Variants in HID1 observed in about 807,000 individuals in gnomAD.
HID1 encodes the protein protein HID1.
A neutral mutation model predicts 89.7 loss-of-function variants in HID1; 42 were observed. The observed-to-expected ratio is 0.47, with a 90% CI of 0.37 to 0.61. HID1 has a LOEUF of 0.61. Ranked by LOEUF, HID1 falls within the 20% of genes least tolerant of loss-of-function variation. The pLI is 0.00. For missense variants in HID1, 854 were observed against 1,039.3 expected (o/e 0.82, Z 2.45); for synonymous variants, 442 against 433.8 (o/e 1.02, Z -0.24).
chr17:74,952,501 G>A, intron 16 of HID1, 141 bp from the exon 17 acceptor site: 1 of 630,530 alleles, frequency 1.6e-6, no homozygotes. Context: ...CACCAAGCAG[G>A]ACCCGGGAAG....
At chr17:74,965,295 C>T (rs2039545324) in intron 1 of HID1, among the ~76,000 whole-genome samples, 1 of 152,220 alleles carries the variant, frequency 6.6e-6, no homozygotes, top group South Asian at 2.1e-4. Context: ...ACCGAGGTGG[C>T]ATCCTGCATG....
In HID1 at chr17:74,958,873, T is replaced by C; in HGVS notation, c.1149+38A>G. 6.3e-7 allele frequency: 1 copy of C among 1,581,544 alleles called. No homozygotes were observed. Among genetic ancestry groups the C allele is most frequent in the Non-Finnish European group, 8.6e-7 (1 of 1,164,088 alleles). On this transcript the variant is annotated intron_variant, in intron 9 of 18. Transcript: ENST00000425042. This position sits in a 1 kb window ranked among gnomAD's most constrained non-coding sequence, Gnocchi z 5.2. ...GCCCCCGGGTTATTGGGGCAGCTGC[T>C]CTCCATCTCCCTGCAGGGCCCCTCG...
chr17:74,951,154 T>C lies in HID1; in HGVS notation c.*416A>G, dbSNP rs190686379. ...GGTTAGGAGGCTGGAAGCACCCCCT[T>C]ACCCTGTCCAGGCACCTCAAGGGAC... On this transcript the variant is annotated 3_prime_UTR_variant, in exon 19 of 19. Coordinates refer to ENST00000425042, the MANE Select transcript of HID1 (RefSeq NM_030630.3). 3.4e-3 allele frequency: 626 copies of C among 183,684 alleles called. 20 individuals are homozygous for C. In the Admixed American group the frequency reaches 0.035, roughly 10 times the overall value. The allele number at this position is 183,684 out of a possible 1,614,324, so 11.4% of individuals were successfully genotyped here.
intron 16 of HID1, 130 bp downstream of exon 16, chr17:74,952,875 GT>G (rs1483446200): frequency 1.5e-6 from 1 of 675,334 alleles, no homozygotes; most frequent in African/African-American, 1.8e-5. Flanking sequence ...CTATGCTAGG[GT>G]CCTTTGATTC....
In HID1 at chr17:74,962,261, T is replaced by TG; in HGVS notation, c.583dup (p.Gln195ProfsTer3). The TG allele has an allele frequency of 1.9e-6, 3 of 1,611,322 alleles. No individual in the cohort carries two copies. The highest frequency in any genetic ancestry group is 3.3e-5 in the Admixed American group (2 of 59,922). On this transcript the variant is annotated frameshift_variant, in exon 5 of 19. Transcript: ENST00000425042. LOFTEE classifies it high-confidence loss of function. The surrounding 1 kb of genome is among the most constrained non-coding windows in gnomAD (Gnocchi z 4.3). ...GTTCATATCGTGGATGTAGTTAGGC[T>TG]GGGGGGAGTGAGCGAAGCCCACACC...
Position 74,962,374 on chromosome 17 carries a change from G to T in HID1, c.505-34C>A, listed in dbSNP as rs2039496105. ...AGGCCAGGAAGAAGCCGGGTTAGGG[G>T]GTCGAGAGGTGAACAGCAGCCTGGG... On this transcript the variant is annotated intron_variant, in intron 4 of 18. Coordinates refer to ENST00000425042, the MANE Select transcript of HID1 (RefSeq NM_030630.3). This position sits in a 1 kb window ranked among gnomAD's most constrained non-coding sequence, Gnocchi z 4.3. The T allele has an allele frequency of 6.7e-7, 1 of 1,486,016 alleles. No homozygotes were observed. The highest frequency in any genetic ancestry group is 2.3e-5 in the East Asian group (1 of 43,318). 92.1% of individuals were successfully genotyped at this position (1,486,016 alleles called of 1,614,324 possible).
rs1033020322 is a variant in HID1 at position 74,972,166 on chromosome 17, G to A, written c.66+425C>T. Among the ~76,000 whole-genome samples the A allele has an allele frequency of 1.3e-5, 2 of 151,460 alleles. No individual in the cohort carries two copies. Among genetic ancestry groups the A allele is most frequent in the Non-Finnish European group, 2.9e-5 (2 of 67,836 alleles). On this transcript the variant is annotated intron_variant, in intron 1 of 18. Coordinates refer to ENST00000425042, the MANE Select transcript of HID1 (RefSeq NM_030630.3). This position sits in a 1 kb window ranked among gnomAD's most constrained non-coding sequence, Gnocchi z 6.4. ...GCCAGCCAGGCTTTGTTTGCATTGA[G>A]TCAACAGGGACTGTGCGTCCGGGAC...
rs755371574 is a variant in HID1, at chr17:74,954,264, G to A, written c.1738C>T (p.Arg580Trp). The A allele has an allele frequency of 1.3e-5, 20 of 1,587,032 alleles. No homozygotes were observed. The highest frequency in any genetic ancestry group is 5.7e-5 in the South Asian group (5 of 87,022). ...AAGGGCTCAGGTGTCCGCCGGCGCC[G>A]CTGCAGGGCCTTGTGAATGGTGGGC... is the stretch of plus-strand genomic sequence containing the variant. ...DPPTIHKALQ[R>W]RRRTPEPLSR... The change falls in exon 14 of 19, where the codon CGG (arginine) becomes TGG (tryptophan). Residue 580 changes from arginine (R) to tryptophan (W), a missense_variant. Coordinates refer to ENST00000425042, the MANE Select transcript of HID1 (RefSeq NM_030630.3).
Position 74,962,116 on chromosome 17 carries a change from A to T in HID1, c.611+118T>A. ...ACTCCCGTTGACCCCTGTAAGGTCA[A>T]GGTCGGGTCATAGGTGAGGACGGTC... On this transcript the variant is annotated intron_variant, in intron 5 of 18. Coordinates refer to ENST00000425042, the MANE Select transcript of HID1 (RefSeq NM_030630.3). This position sits in a 1 kb window ranked among gnomAD's most constrained non-coding sequence, Gnocchi z 4.3. The T allele has an allele frequency of 8.9e-7, 1 of 1,127,122 alleles. No homozygotes were observed. 69.8% of individuals were successfully genotyped at this position (1,127,122 alleles called of 1,614,324 possible). A position where few individuals can be genotyped will look rare whatever the true frequency, so the allele number is the denominator to read the frequency against.
In HID1 at chr17:74,951,351, G is replaced by C; in HGVS notation, c.*219C>G. On this transcript the variant is annotated 3_prime_UTR_variant, in exon 19 of 19. Coordinates refer to ENST00000425042, the MANE Select transcript of HID1 (RefSeq NM_030630.3). Reference sequence around the variant, plus strand: ...GGTCTCTGGTGGGGGCATAGCCCCAGAGATGGGGCTCCTGTGAGTCCAGCC... The same window carrying C: ...GGTCTCTGGTGGGGGCATAGCCCCACAGATGGGGCTCCTGTGAGTCCAGCC... 2 of 589,460 alleles carry C rather than the reference G, an allele frequency of 3.4e-6. No individual in the cohort carries two copies. The highest frequency in any genetic ancestry group is 6.0e-6 in the Non-Finnish European group (2 of 331,760). 36.5% of individuals were successfully genotyped at this position (589,460 alleles called of 1,614,324 possible).
chr17:74,952,245 C>G (rs200494291), intron 17 of HID1, 24 bp downstream of exon 17: 8 of 1,602,046 alleles, frequency 5.0e-6, no homozygotes, highest in Non-Finnish European at 6.8e-6. Context: ...CCACAACCCC[C>G]GGCCCTGCCG....
chr17:74,958,636 GA>G lies in HID1; in HGVS notation c.1240+36del. On this transcript the variant is annotated intron_variant, in intron 10 of 18. Coordinates refer to ENST00000425042, the MANE Select transcript of HID1 (RefSeq NM_030630.3). This position sits in a 1 kb window ranked among gnomAD's most constrained non-coding sequence, Gnocchi z 5.2. Reference sequence around the variant, plus strand: ...AGCCAGCCCTCCACCTCGCCGCCAGGAAAGCCCCCAGCATCCCACCCCCACC... The same window carrying G: ...AGCCAGCCCTCCACCTCGCCGCCAGGAAGCCCCCAGCATCCCACCCCCACC... The G allele has an allele frequency of 6.3e-7, 1 of 1,595,580 alleles. No homozygotes were observed. Among genetic ancestry groups the G allele is most frequent in the Non-Finnish European group, 8.6e-7 (1 of 1,163,768 alleles).
chr17:74,962,414 C>T lies in HID1; in HGVS notation c.505-74G>A. On this transcript the variant is annotated intron_variant, in intron 4 of 18. Transcript: ENST00000425042. The surrounding 1 kb of genome is among the most constrained non-coding windows in gnomAD (Gnocchi z 4.3). The stretch of plus-strand genomic sequence containing the variant: ...AGCAGCCTGGGTCAGAACCTGGCCA[C>T]CTCGAGCCTCACACAGTCCCAGGGG... 1 of 960,816 alleles carries T rather than the reference C, an allele frequency of 1.0e-6. No individual in the cohort carries two copies. The highest frequency in any genetic ancestry group is 1.6e-6 in the Non-Finnish European group (1 of 627,044). 59.5% of individuals were successfully genotyped at this position (960,816 alleles called of 1,614,324 possible).
At chr17:74,957,808 G>A (rs920036123) in intron 12 of HID1, among the ~76,000 whole-genome samples, 1 of 152,152 alleles carries the variant, frequency 6.6e-6, no homozygotes, top group African/African-American at 2.4e-5. Context: ...GCTGAGGCAT[G>A]AGAATTGCTT....
intron 13 of HID1, chr17:74,954,731 C>T (rs9891655): frequency 0.83 from 248,852 of 300,790 alleles, 107,276 homozygotes; most frequent in Non-Finnish European, 0.93. Flanking sequence ...CACCTCCCCT[C>T]GAGCAAGGTG....
chr17:74,958,394 G>A lies in HID1; in HGVS notation c.1325C>T (p.Pro442Leu). 1 of 1,611,460 alleles carries A rather than the reference G, an allele frequency of 6.2e-7. No homozygotes were observed. The highest frequency in any genetic ancestry group is 8.5e-7 in the Non-Finnish European group (1 of 1,178,950). The change falls in exon 11 of 19, where the codon CCC (proline) becomes CTC (leucine). Residue 442 changes from proline to leucine, a missense_variant. Pro to Leu is a moderately conservative substitution (Grantham distance 98). Transcript: ENST00000425042. The surrounding 1 kb of genome is among the most constrained non-coding windows in gnomAD (Gnocchi z 5.2). ...GTCCATGGGCACGCGGATTGAGTAG[G>A]GTTTGTTCAGCCGCACCCCGAAGTT... Reference protein sequence around the residue: ...ERNFGVRLNKPYSIRVPMDIP... With the variant: ...ERNFGVRLNKLYSIRVPMDIP...
At chr17:74,956,079 C>A in intron 12 of HID1, 123 bp from the exon 13 acceptor site, 1 of 984,836 alleles carries the variant, frequency 1.0e-6, no homozygotes, top group Non-Finnish European at 1.5e-6. Context: ...AGAGCCAGGA[C>A]GACCAAGGCC....
rs1350513708 is a variant in HID1 at position 74,958,805 on chromosome 17, A to G, written c.1150-42T>C. ...GGGCCAAGTGGGCTGAGTTCAAGGG[A>G]GGGGCAGCTCTGCCCCACCCCCCTC... On this transcript the variant is annotated intron_variant, in intron 9 of 18. Transcript: ENST00000425042. The surrounding 1 kb of genome is among the most constrained non-coding windows in gnomAD (Gnocchi z 5.2). 1 of 1,598,706 alleles carries G rather than the reference A, an allele frequency of 6.3e-7. No homozygotes were observed. Among genetic ancestry groups the G allele is most frequent in the Admixed American group, 1.7e-5 (1 of 59,204 alleles).
At chr17:74,967,518 G>A (rs1191087912) in intron 1 of HID1, among the ~76,000 whole-genome samples, 1 of 151,726 alleles carries the variant, frequency 6.6e-6, no homozygotes, top group Non-Finnish European at 1.5e-5. Context: ...CAGCCTGGGC[G>A]ACAGAGTGAG....
Sources: gnomAD v4.1 joint callset for allele counts (sites outside exome capture counted in the v4.1 genomes callset) on GRCh38, gnomAD v4.1.1 for gene constraint, Gnocchi (gnomAD v3.1) non-coding constraint, MANE v1.5 for transcripts, NCBI Gene and HGNC (gene_info 2026-07-23, HGNC 2026-07-21) for gene names.